The following ARID1A variants were observed in gnomAD, a reference collection of about 807,000 sequenced individuals.
The protein encoded by ARID1A is AT-rich interaction domain 1A.
ARID1A carries 20 observed loss-of-function variants against 212.6 expected under a neutral mutation model. That is an observed-to-expected ratio of 0.09 (90% confidence interval 0.07 to 0.14). ARID1A has a LOEUF of 0.14. Ranked by LOEUF, ARID1A falls within the 10% of genes least tolerant of loss-of-function variation. The pLI is 1.00. For missense variants in ARID1A, 2,587 were observed against 3,059.0 expected, an observed-to-expected ratio of 0.85 and a Z score of 3.64; for synonymous variants, 1,376 against 1,222.1, an observed-to-expected ratio of 1.13 and a Z score of -2.63.
chr1:26,699,163 G>A (rs1160328568), intron 1 of ARID1A, among the ~76,000 whole-genome samples: 2 of 152,146 alleles, frequency 1.3e-5, no homozygotes, highest in Non-Finnish European at 2.9e-5. Context: ...GCATTTTAAT[G>A]TATGTTCCAC....
chr1:26,728,227 A>G (rs961531597), intron 1 of ARID1A, among the ~76,000 whole-genome samples: 3 of 152,216 alleles, frequency 2.0e-5, no homozygotes, highest in African/African-American at 7.2e-5. Flanking sequence ...TTTCAGATAT[A>G]GCCTAAGAAA....
chr1:26,699,526 A>G (rs2080312089), intron 1 of ARID1A, among the ~76,000 whole-genome samples: 1 of 152,172 alleles, frequency 6.6e-6, no homozygotes, highest in South Asian at 2.1e-4. Context: ...GCTGTGTTAG[A>G]TGGTGGGCTT....
Position 26,731,601 on chromosome 1 carries a change from G to T in ARID1A, c.1800G>T (p.Pro600=). The change falls in exon 3 of 20, where the codon CCG becomes CCT. Residue 600 remains proline (P), a synonymous_variant. Coordinates refer to ENST00000324856, the MANE Select transcript of ARID1A (RefSeq NM_006015.6). ...TAYSQQRFPP[P]QELSQDSFGS... is the part of the protein sequence containing the mutation. Reference sequence around the variant, plus strand: ...ATTCCCAGCAGCGCTTCCCTCCACCGCAGGTAAGATATCCCTGCCTCCTGC... The same window carrying T: ...ATTCCCAGCAGCGCTTCCCTCCACCTCAGGTAAGATATCCCTGCCTCCTGC... 6.2e-7 allele frequency: 1 copy of T among 1,612,984 alleles called. No homozygotes were observed. Among genetic ancestry groups the T allele is most frequent in the Non-Finnish European group, 8.5e-7 (1 of 1,179,136 alleles).
chr1:26,761,009 A>G lies in ARID1A; in HGVS notation c.2074A>G (p.Ile692Val), dbSNP rs146402512. The change falls in exon 5 of 20, where the codon ATC (isoleucine) becomes GTC (valine). Residue 692 changes from isoleucine to valine, a missense_variant. By Grantham distance (29) the Ile-to-Val change is conservative. Around this residue, in one of 11 missense-constraint regions of ARID1A, gnomAD observed 674 missense variants for 813.4 expected, o/e 0.83. Transcript: ENST00000324856. Reference protein sequence around the residue: ...SPHTSPHLPGIRGPSPSPVGS... With the variant: ...SPHTSPHLPGVRGPSPSPVGS... Reference sequence around the variant, plus strand: ...TCATACCTCCCCTCACCTGCCTGGCATCCGAGGCCCTTCCCCGTCCCCTGT... The same window carrying G: ...TCATACCTCCCCTCACCTGCCTGGCGTCCGAGGCCCTTCCCCGTCCCCTGT... 741 of 1,613,890 alleles carry G rather than the reference A, an allele frequency of 4.6e-4. 1 individual carries two copies. Among genetic ancestry groups the G allele is most frequent in the Non-Finnish European group, 6.0e-4 (708 of 1,180,006 alleles).
chr1:26,775,263 C>A (rs2081124130), intron 18 of ARID1A, 43 bp downstream of exon 18: 1 of 1,527,916 alleles, frequency 6.5e-7, no homozygotes, highest in Non-Finnish European at 8.8e-7. Flanking sequence ...CTGCCCCTTT[C>A]CATCTTGTCC....
At chr1:26,717,594 C>T (rs1419113974) in intron 1 of ARID1A, among the ~76,000 whole-genome samples, 1 of 152,190 alleles carries the variant, frequency 6.6e-6, no homozygotes, top group Non-Finnish European at 1.5e-5. Context: ...GCTCTACTGC[C>T]AGAAACTTAG....
intron 1 of ARID1A, among the ~76,000 whole-genome samples, chr1:26,699,165 A>G (rs759936769): frequency 6.6e-6 from 1 of 152,180 alleles, no homozygotes; most frequent in Non-Finnish European, 1.5e-5. Flanking sequence ...ATTTTAATGT[A>G]TGTTCCACTT....
Position 26,729,761 on chromosome 1 carries a change from G to A in ARID1A, c.1248G>A (p.Gly416=), listed in dbSNP as rs2124785292. 6.2e-7 allele frequency: 1 copy of A among 1,614,244 alleles called. No homozygotes were observed. The highest frequency in any genetic ancestry group is 8.5e-7 in the Non-Finnish European group (1 of 1,180,046). The change falls in exon 2 of 20, where the codon GGG becomes GGA. Residue 416 remains glycine, a synonymous_variant. Coordinates refer to ENST00000324856, the MANE Select transcript of ARID1A (RefSeq NM_006015.6). ...GPPSGPQQGH[G]YPGQPYGSQT... ...CGTCAGGACCGCAGCAAGGACATGG[G>A]TACCCAGGGCAGCCATACGGGTCCC...
In ARID1A at chr1:26,720,808, G is replaced by A. The variant is rs141061515; in HGVS notation, c.1138-8843G>A. On this transcript the variant is annotated intron_variant, in intron 1 of 19. Transcript: ENST00000324856. ...GAGCCCAGGATAGGAGGTTGAGGCT[G>A]CAGTGGGCCATGATTGCACCACTGC... Among the ~76,000 whole-genome samples, 714 of 151,764 alleles carry A rather than the reference G, an allele frequency of 4.7e-3. 10 individuals carry two copies. Among genetic ancestry groups the A allele is most frequent in the African/African-American group, 0.015 (626 of 41,382 alleles).
intron 4 of ARID1A, among the ~76,000 whole-genome samples, chr1:26,735,569 GGCGTGA>G (rs1271178495): frequency 6.6e-6 from 1 of 152,324 alleles, no homozygotes; most frequent in East Asian, 1.9e-4. Flanking sequence ...TGGGATTATA[GGCGTGA>G]GCCACCTCAC....
At chr1:26,761,337 CCCAGGCTTAG>C (rs771255576) in intron 5 of ARID1A, 37 bp from the exon 6 acceptor site, 6 of 1,604,408 alleles carry the variant, frequency 3.7e-6, no homozygotes, top group Non-Finnish European at 5.1e-6. Flanking sequence ...AGTTAGAATT[CCCAGGCTTAG>C]CCATGATATG....
intron 19 of ARID1A, chr1:26,778,618 GC>G (rs1291690502): frequency 6.3e-6 from 1 of 158,552 alleles, no homozygotes; most frequent in Non-Finnish European, 1.4e-5. Flanking sequence ...AAGTCACCAT[GC>G]CTAAGCTTGG....
intron 4 of ARID1A, among the ~76,000 whole-genome samples, chr1:26,758,021 T>TA (rs780029942): frequency 1.3e-5 from 2 of 152,178 alleles, no homozygotes; most frequent in African/African-American, 4.8e-5. Context: ...TGTTCTGAAA[T>TA]ACACTTCTTT....
chr1:26,703,800 G>C (rs1019590280), intron 1 of ARID1A, among the ~76,000 whole-genome samples: 1 of 152,206 alleles, frequency 6.6e-6, no homozygotes, highest in Non-Finnish European at 1.5e-5. Flanking sequence ...ACTAGGAAGA[G>C]ATTTAAAAGG....
intron 1 of ARID1A, among the ~76,000 whole-genome samples, chr1:26,707,585 C>A (rs184500278): frequency 1.1e-4 from 16 of 151,888 alleles, no homozygotes; most frequent in Non-Finnish European, 1.9e-4. Context: ...TCAGGTGATC[C>A]GCCGGCTTTG....
chr1:26,721,319 C>G lies in ARID1A; in HGVS notation c.1138-8332C>G, dbSNP rs143764208. ...CTCCACCTCCCAGGTTCAAGTGATT[C>G]TCCTGCCTCAGCCTCCCAAGTAGCT... On this transcript the variant is annotated intron_variant, in intron 1 of 19. Transcript: ENST00000324856. Among the ~76,000 whole-genome samples, 900 of 152,296 alleles carry G rather than the reference C, an allele frequency of 5.9e-3. 12 individuals are homozygous for G. The highest frequency in any genetic ancestry group is 0.021 in the African/African-American group (860 of 41,546).
At chr1:26,773,101 C>T in intron 14 of ARID1A, 114 bp downstream of exon 14, 1 of 1,406,540 alleles carries the variant, frequency 7.1e-7, no homozygotes, top group East Asian at 2.3e-5. Context: ...TGAGATAATG[C>T]ATTTCCTGCC....
chr1:26,732,711 C>G lies in ARID1A; in HGVS notation c.1839C>G (p.Ser613=), dbSNP rs2124792391. 1 of 1,614,004 alleles carries G rather than the reference C, an allele frequency of 6.2e-7. No homozygotes were observed. The highest frequency in any genetic ancestry group is 1.1e-5 in the South Asian group (1 of 91,060). The change falls in exon 4 of 20, where the codon TCC becomes TCG. Residue 613 remains serine, a synonymous_variant. Transcript: ENST00000324856. ...LSQDSFGSQA[S]SAPSMTSSKG... Reference sequence around the variant, plus strand: ...AAGATTCATTTGGGTCTCAGGCATCCTCAGCCCCCTCAATGACCTCCAGTA... The same window carrying G: ...AAGATTCATTTGGGTCTCAGGCATCGTCAGCCCCCTCAATGACCTCCAGTA...
At chr1:26,743,800 A>T (rs921253193) in intron 4 of ARID1A, among the ~76,000 whole-genome samples, 10 of 152,066 alleles carry the variant, frequency 6.6e-5, no homozygotes, top group African/African-American at 2.2e-4. Flanking sequence ...AAAAAAAAAA[A>T]AAATTAAAAC....
Sources: allele counts gnomAD v4.1 joint callset (sites outside exome capture counted in the v4.1 genomes callset), GRCh38; gene constraint gnomAD v4.1.1; regional missense constraint gnomAD v4.1.1; transcripts MANE v1.5; gene names NCBI Gene and HGNC (gene_info 2026-07-23, HGNC 2026-07-21).